Variants in COL5A2 observed in about 807,000 individuals in gnomAD.
The protein encoded by COL5A2 is collagen alpha-2(V) chain.
COL5A2 carries 23 observed loss-of-function variants against 208.2 expected under a neutral mutation model. The observed-to-expected ratio is 0.11, with a 90% confidence interval of 0.08 to 0.16. The LOEUF (loss-of-function observed/expected upper bound fraction) is 0.16, where lower values mean the gene tolerates loss of function less well. Among genes scored for constraint, COL5A2 ranks in the 10% least tolerant of loss-of-function variants. The pLI, the probability that COL5A2 is intolerant of heterozygous loss-of-function variation, is 1.00. For synonymous variants in COL5A2, 625 were observed against 628.5 expected, an observed-to-expected ratio of 0.99 and a Z score of 0.08; for missense variants, 1,590 against 1,956.4, an observed-to-expected ratio of 0.81 and a Z score of 3.53.
At chr2:189,251,657 T>TAA in the COL5A2 span, among the ~76,000 whole-genome samples, 2,648 of 144,532 alleles carry the variant, frequency 0.018, 61 homozygotes, top group African/African-American at 0.057. Context: ...CAAAAGACAG[T>TAA]AAAAAAAAAA....
At chr2:189,352,565 T>C in the COL5A2 span, among the ~76,000 whole-genome samples, 2 of 152,218 alleles carry the variant, frequency 1.3e-5, no homozygotes, top group Non-Finnish European at 2.9e-5. Flanking sequence ...TAAGCTTTTT[T>C]TCGTATGTTT....
intron 1 of COL5A2, among the ~76,000 whole-genome samples, chr2:189,116,212 G>A (rs530625433): frequency 1.3e-5 from 2 of 152,296 alleles, no homozygotes; most frequent in East Asian, 1.9e-4. Context: ...AATGCCTTGT[G>A]GGACAAAGGA....
the COL5A2 span, among the ~76,000 whole-genome samples, chr2:189,254,258 C>T: frequency 6.6e-6 from 1 of 150,456 alleles, no homozygotes; most frequent in East Asian, 2.0e-4. Context: ...AAACGTCATG[C>T]TATAATTTAA....
chr2:189,122,458 T>C (rs1372723594), intron 1 of COL5A2, among the ~76,000 whole-genome samples: 1 of 152,054 alleles, frequency 6.6e-6, no homozygotes, highest in Non-Finnish European at 1.5e-5. Context: ...TGGTTTAATT[T>C]ATCAAAAAAA....
At chr2:189,159,229 G>A (rs1467654996) in intron 1 of COL5A2, among the ~76,000 whole-genome samples, 2 of 152,254 alleles carry the variant, frequency 1.3e-5, no homozygotes, top group East Asian at 3.9e-4. Flanking sequence ...TGTGGTCTCT[G>A]CTTAAGCTGG....
At chr2:189,292,430 A>G in the COL5A2 span, among the ~76,000 whole-genome samples, 3 of 152,164 alleles carry the variant, frequency 2.0e-5, no homozygotes, top group African/African-American at 7.2e-5. Flanking sequence ...AACCCCATCA[A>G]AAAGGGGGCA....
At position 189,179,732 on chromosome 2, in the gene COL5A2, T is replaced by G. The variant is rs1688749085; in HGVS notation, c.-128A>C. 6.7e-7 allele frequency: 1 copy of G among 1,492,366 alleles called. No individual in the cohort carries two copies. The highest frequency in any genetic ancestry group is 9.0e-7 in the Non-Finnish European group (1 of 1,107,236). The allele number at this position is 1,492,366 out of a possible 1,614,324, so 92.4% of individuals were successfully genotyped here. On this transcript the variant is annotated 5_prime_UTR_variant, in exon 1 of 54. Coordinates refer to ENST00000374866, the MANE Select transcript of COL5A2 (RefSeq NM_000393.5). ...CCCAGGGCAGCCTCTGCAAACCCCC[T>G]TTTTCAGCACCAGCTCCAGCACAGT...
intron 1 of COL5A2, among the ~76,000 whole-genome samples, chr2:189,168,237 G>GT (rs34356887): frequency 0.7 from 98,292 of 139,668 alleles, 36,623 homozygotes; most frequent in Non-Finnish European, 0.83. Flanking sequence ...CTGTGCCCGG[G>GT]TTTTTTTTTT....
the COL5A2 span, among the ~76,000 whole-genome samples, chr2:189,380,976 T>C: frequency 6.6e-6 from 1 of 151,898 alleles, no homozygotes; most frequent in Non-Finnish European, 1.5e-5. Flanking sequence ...GAAGAAGCTG[T>C]GATAAAAAGA....
At chr2:189,248,137 A>T in the COL5A2 span, among the ~76,000 whole-genome samples, 1 of 152,266 alleles carries the variant, frequency 6.6e-6, no homozygotes, top group African/African-American at 2.4e-5. Flanking sequence ...GTAAGTATTC[A>T]AGCCACAAAA....
At chr2:189,146,129 C>G (rs914278298) in intron 1 of COL5A2, among the ~76,000 whole-genome samples, 2 of 152,038 alleles carry the variant, frequency 1.3e-5, no homozygotes, top group South Asian at 2.1e-4. Flanking sequence ...CCAGAAAGAT[C>G]TGGGAGAAGG....
chr2:189,360,095 T>A, the COL5A2 span, among the ~76,000 whole-genome samples: 2 of 152,118 alleles, frequency 1.3e-5, no homozygotes, highest in Admixed American at 1.3e-4. Flanking sequence ...ACTACTTTTA[T>A]GTTTGGTTTG....
At position 189,150,053 on chromosome 2, in the gene COL5A2, A is replaced by T. The variant is rs557139589; in HGVS notation, c.97+29455T>A. Among the ~76,000 whole-genome samples the T allele has an allele frequency of 2.0e-5, 3 of 152,266 alleles. No homozygotes were observed. The South Asian group carries it at 6.2e-4, about 32-fold the overall frequency. On this transcript the variant is annotated intron_variant, in intron 1 of 53. Transcript: ENST00000374866. ...GTATTTTATGTGACCCTCAGTTGTT[A>T]TGGTTTGCTTTAATTTATGTAATTA...
the COL5A2 span, among the ~76,000 whole-genome samples, chr2:189,249,772 T>C: frequency 6.6e-6 from 1 of 151,960 alleles, no homozygotes; most frequent in Non-Finnish European, 1.5e-5. Flanking sequence ...TCTCGGCTCA[T>C]TGCAACCTCC....
the COL5A2 span, among the ~76,000 whole-genome samples, chr2:189,391,358 A>G: frequency 6.6e-6 from 1 of 152,196 alleles, no homozygotes; most frequent in East Asian, 1.9e-4. Flanking sequence ...GGAATTACAT[A>G]AACCATCTCT....
chr2:189,039,628 T>G lies in COL5A2; in HGVS notation c.3634-65A>C, dbSNP rs1685517296. 8 of 1,524,664 alleles carry G rather than the reference T, an allele frequency of 5.2e-6. No homozygotes were observed. The Admixed American group carries it at 1.5e-4, about 28-fold the overall frequency. The allele number at this position is 1,524,664 out of a possible 1,614,324, so 94.4% of individuals were successfully genotyped here. A position where few individuals can be genotyped will look rare whatever the true frequency, so the allele number is the denominator to read the frequency against. On this transcript the variant is annotated intron_variant, in intron 50 of 53. Coordinates refer to ENST00000374866, the MANE Select transcript of COL5A2 (RefSeq NM_000393.5). The stretch of plus-strand genomic sequence containing the variant: ...TTTTGTTTTACTTAACTGGTAGAAC[T>G]TGGTTCATAGGGAGTTCCAATGAGA...
the COL5A2 span, among the ~76,000 whole-genome samples, chr2:189,240,284 T>C: frequency 2.6e-5 from 4 of 152,278 alleles, no homozygotes; most frequent in Non-Finnish European, 4.4e-5. Flanking sequence ...GAAGATTTGA[T>C]TCTTAGCAAG....
intron 50 of COL5A2, among the ~76,000 whole-genome samples, chr2:189,040,420 C>T (rs1262671089): frequency 1.3e-5 from 2 of 151,254 alleles, no homozygotes; most frequent in Non-Finnish European, 2.9e-5. Flanking sequence ...GAAATGGATC[C>T]TCTCTATTAA....
chr2:189,045,809 T>C lies in COL5A2; in HGVS notation c.3300A>G (p.Arg1100=), dbSNP rs764139516. The change falls in exon 46 of 54, where the codon AGA becomes AGG. Residue 1100 remains arginine (R), a synonymous_variant. Coordinates refer to ENST00000374866, the MANE Select transcript of COL5A2 (RefSeq NM_000393.5). ...TTGACTCCCTCCTTACCGGATCTCC[T>C]CTTTGTCCTGCATCTCCTGGAGCAC... is the stretch of plus-strand genomic sequence containing the variant. ...PVGAPGDAGQ[R]GDPGSRGPIG... is the part of the protein sequence containing the mutation. The C allele has an allele frequency of 1.2e-6, 2 of 1,614,042 alleles. No individual in the cohort carries two copies. Among genetic ancestry groups the C allele is most frequent in the Non-Finnish European group, 1.7e-6 (2 of 1,179,928 alleles).
Sources: gnomAD v4.1 joint callset for allele counts (sites outside exome capture counted in the v4.1 genomes callset) on GRCh38, gnomAD v4.1.1 for gene constraint, MANE v1.5 for transcripts, NCBI Gene and HGNC (gene_info 2026-07-23, HGNC 2026-07-21) for gene names.